Variants in ANKRD44 observed in about 807,000 individuals in gnomAD.
The protein encoded by ANKRD44 is ankyrin repeat domain 44.
Under a neutral mutation model 116.0 loss-of-function variants are expected in ANKRD44, and 35 were observed. That is an observed-to-expected ratio of 0.30 (90% CI 0.23 to 0.40). The LOEUF is 0.40. ANKRD44 is among the 10% of genes least tolerant of loss of function. The probability of loss-of-function intolerance (pLI) is 1.00; values close to 1 mark genes in which losing one functional copy is unlikely to be tolerated. For synonymous variants in ANKRD44, 435 were observed against 461.8 expected (o/e 0.94, Z 0.74); for missense variants, 1,014 against 1,242.6 (o/e 0.82, Z 2.77).
chr2:197,298,026 T>G (rs2083775440), intron 1 of ANKRD44, among the ~76,000 whole-genome samples: 1 of 152,200 alleles, frequency 6.6e-6, no homozygotes, highest in Non-Finnish European at 1.5e-5. Context: ...TTAAGAAGGA[T>G]ATAGAAAGAT....
At chr2:197,126,309 T>C (rs2078973572) in intron 4 of ANKRD44, among the ~76,000 whole-genome samples, 1 of 152,216 alleles carries the variant, frequency 6.6e-6, no homozygotes. Context: ...GTCCTTACAA[T>C]GTAGAAGGCA....
chr2:197,122,071 C>G (rs2078869764), intron 7 of ANKRD44, among the ~76,000 whole-genome samples: 1 of 152,116 alleles, frequency 6.6e-6, no homozygotes, highest in African/African-American at 2.4e-5. Flanking sequence ...AGCAGTGGTG[C>G]CGTCAGGAGG....
At chr2:197,247,530 G>A (rs1179737866) in intron 1 of ANKRD44, among the ~76,000 whole-genome samples, 1 of 152,214 alleles carries the variant, frequency 6.6e-6, no homozygotes, top group Non-Finnish European at 1.5e-5. Flanking sequence ...TTTGTCCAGT[G>A]GCAAGAAGTG....
At chr2:197,153,225 C>CAAAAAAAAAAAAAAAA (rs75600123) in intron 2 of ANKRD44, among the ~76,000 whole-genome samples, 19 of 69,304 alleles carry the variant, frequency 2.7e-4, no homozygotes, top group Non-Finnish European at 4.0e-4. Context: ...AAGACCCTGC[C>CAAAAAAAAAAAAAAAA]AAAAAAAAAA....
chr2:197,030,756 G>T (rs117759841), intron 16 of ANKRD44, among the ~76,000 whole-genome samples: 2 of 152,020 alleles, frequency 1.3e-5, no homozygotes, highest in African/African-American at 4.8e-5. Flanking sequence ...GAGCTAGAGT[G>T]GTTTCTGAAT....
At chr2:197,306,687 G>A (rs1176835085) in intron 1 of ANKRD44, among the ~76,000 whole-genome samples, 4 of 152,076 alleles carry the variant, frequency 2.6e-5, no homozygotes, top group African/African-American at 9.7e-5. Flanking sequence ...TATGTAACAC[G>A]TCCCAAGGCC....
intron 16 of ANKRD44, among the ~76,000 whole-genome samples, chr2:197,031,046 C>T (rs1332958506): frequency 6.6e-6 from 1 of 152,084 alleles, no homozygotes; most frequent in African/African-American, 2.4e-5. Flanking sequence ...ATAGTACCCA[C>T]AACACTGGAA....
rs545318053 is a variant in ANKRD44, at chr2:197,203,706, G to A, written c.28-16600C>T. 5.3e-5 allele frequency among the ~76,000 whole-genome samples: 8 copies of A among 152,288 alleles called. No individual in the cohort carries two copies. Among genetic ancestry groups the A allele is most frequent in the Non-Finnish European group, 1.0e-4 (7 of 68,028 alleles). ...CAGTCAAAAGGTAGAAACAACCCAA[G>A]TGTCCACCAACCGGCATCAACTGAT... On this transcript the variant is annotated intron_variant, in intron 1 of 27. Transcript: ENST00000282272. This position sits in a 1 kb window ranked among gnomAD's most constrained non-coding sequence, Gnocchi z 4.1.
At chr2:196,998,805 T>C (rs2076061208) in intron 24 of ANKRD44, 102 bp downstream of exon 24, 1 of 1,482,312 alleles carries the variant, frequency 6.7e-7, no homozygotes, top group East Asian at 2.3e-5. Flanking sequence ...CTAATGGCCC[T>C]TTTCCACGTG....
intron 1 of ANKRD44, among the ~76,000 whole-genome samples, chr2:197,253,937 G>A (rs1019968248): frequency 2.6e-5 from 4 of 152,148 alleles, no homozygotes; most frequent in South Asian, 4.1e-4. Context: ...CTCATAATCC[G>A]CACAGGGTTC....
At position 197,273,989 on chromosome 2, in the gene ANKRD44, A is replaced by ATCTC. The variant is rs1559208433; in HGVS notation, c.27+36588_27+36589insGAGA. 3.5e-4 allele frequency among the ~76,000 whole-genome samples: 8 copies of ATCTC among 22,576 alleles called. 1 individual carries two copies. The highest frequency in any genetic ancestry group is 1.1e-3 in the African/African-American group (8 of 7,216). The allele number at this position is 22,576 out of a possible 152,430, so 14.8% of individuals were successfully genotyped here. ...AAAAAAAAAAAAAAAAAATATATATATATATATATATATATATATATATAT... is the reference window on the plus strand; with the variant it reads ...AAAAAAAAAAAAAAAAAATATATATATCTCTATATATATATATATATATATATAT... On this transcript the variant is annotated intron_variant, in intron 1 of 27. Coordinates refer to ENST00000282272, the MANE Select transcript of ANKRD44 (RefSeq NM_001195144.2).
chr2:197,226,039 T>C (rs771021734), intron 1 of ANKRD44, among the ~76,000 whole-genome samples: 2 of 152,246 alleles, frequency 1.3e-5, no homozygotes, highest in African/African-American at 2.4e-5. Context: ...AGAATTATCT[T>C]ACAAATCAAT....
chr2:197,248,052 A>C (rs1233749295), intron 1 of ANKRD44, among the ~76,000 whole-genome samples: 1 of 152,164 alleles, frequency 6.6e-6, no homozygotes, highest in East Asian at 1.9e-4. Flanking sequence ...CCCAAGCAGC[A>C]CAGAAGCAGA....
intron 9 of ANKRD44, 78 bp from the exon 10 acceptor site, chr2:197,100,008 T>A (rs1399698283): frequency 3.1e-6 from 4 of 1,284,632 alleles, no homozygotes; most frequent in Non-Finnish European, 4.4e-6. Flanking sequence ...TAGTCTCTCG[T>A]ATCAACCAAA....
chr2:197,195,820 AG>A (rs2080935646), intron 1 of ANKRD44, among the ~76,000 whole-genome samples: 1 of 152,290 alleles, frequency 6.6e-6, no homozygotes, highest in East Asian at 1.9e-4. Flanking sequence ...AATCAAAACA[AG>A]GCAGACAGCC....
intron 1 of ANKRD44, among the ~76,000 whole-genome samples, chr2:197,251,622 G>T (rs1349902522): frequency 6.6e-6 from 1 of 152,110 alleles, no homozygotes; most frequent in Admixed American, 6.5e-5. Flanking sequence ...AGGCATGCTT[G>T]CAAGTATTTC....
chr2:197,088,647 TTAA>T (rs1157535569), intron 12 of ANKRD44, 61 bp downstream of exon 12: 51 of 741,524 alleles, frequency 6.9e-5, no homozygotes, highest in Non-Finnish European at 9.8e-5. Flanking sequence ...CACAGACAAC[TTAA>T]GTCAAGTCAA....
chr2:197,076,392 T>C (rs997294536), intron 16 of ANKRD44, among the ~76,000 whole-genome samples: 1 of 152,136 alleles, frequency 6.6e-6, no homozygotes, highest in Non-Finnish European at 1.5e-5. Context: ...CCAAGGAAAT[T>C]GGAGTTTTAA....
At chr2:197,206,879 T>G (rs2081219825) in intron 1 of ANKRD44, among the ~76,000 whole-genome samples, 1 of 152,200 alleles carries the variant, frequency 6.6e-6, no homozygotes, top group African/African-American at 2.4e-5. Flanking sequence ...AGGCCAGTAC[T>G]CTTTAGAATT....
Sources: allele counts gnomAD v4.1 joint callset (sites outside exome capture counted in the v4.1 genomes callset), GRCh38; gene constraint gnomAD v4.1.1; non-coding constraint Gnocchi (gnomAD v3.1); transcripts MANE v1.5; gene names NCBI Gene and HGNC (gene_info 2026-07-23, HGNC 2026-07-21).